The following ZC3H12B variants were observed in gnomAD, a reference collection of about 807,000 sequenced individuals.
ZC3H12B encodes the protein zinc finger CCCH-type containing 12B.
Under a neutral mutation model 43.9 loss-of-function variants are expected in ZC3H12B, and 7 were observed. The observed-to-expected ratio is 0.16, with a 90% CI of 0.09 to 0.30. The LOEUF (loss-of-function observed/expected upper bound fraction) is 0.30. ZC3H12B is among the 10% of genes least tolerant of loss of function. The probability of loss-of-function intolerance (pLI) is 1.00; values close to 1 mark genes in which losing one functional copy is unlikely to be tolerated. For missense variants in ZC3H12B, 475 were observed against 670.2 expected (o/e 0.71, Z 3.22); for synonymous variants, 222 against 241.7 (o/e 0.92, Z 0.76).
chrX:65,212,224 T>A, the ZC3H12B span, among the ~76,000 whole-genome samples: 10 of 48,505 alleles, frequency 2.1e-4, no homozygotes, highest in East Asian at 8.7e-4. Flanking sequence ...TATTATATAT[T>A]ATATTATATA....
intron 3 of ZC3H12B, among the ~76,000 whole-genome samples, chrX:65,445,239 A>C (rs1260542653): frequency 8.9e-6 from 1 of 112,139 alleles, no homozygotes; most frequent in Admixed American, 9.5e-5. Context: ...TGGTGAAGTC[A>C]TGTTTCCTGG....
chrX:65,373,909 T>TA (rs1412172865), intron 2 of ZC3H12B, among the ~76,000 whole-genome samples: 21 of 977 alleles, frequency 0.021, 1 homozygote, highest in South Asian at 0.1. Context: ...ATATATATAG[T>TA]TATATATATA....
the ZC3H12B span, among the ~76,000 whole-genome samples, chrX:65,194,313 G>A: frequency 9.3e-6 from 1 of 107,639 alleles, no homozygotes; most frequent in Non-Finnish European, 1.9e-5. Flanking sequence ...GTTAATGGGT[G>A]CAGCACTCCA....
chrX:65,498,999 A>G, exon 3 of ZC3H12B: 1 of 1,191,159 alleles, frequency 8.4e-7, no homozygotes, highest in South Asian at 1.8e-5. Flanking sequence ...ATTTTGACAG[A>G]TCAAGATATT....
At chrX:65,146,533 C>G in the ZC3H12B span, among the ~76,000 whole-genome samples, 11 of 111,380 alleles carry the variant, frequency 9.9e-5, no homozygotes, top group Non-Finnish European at 2.1e-4. Context: ...TGTTAAAGAA[C>G]CTCCTTTTGT....
At chrX:65,212,512 A>C in the ZC3H12B span, among the ~76,000 whole-genome samples, 41 of 71,635 alleles carry the variant, frequency 5.7e-4, no homozygotes, top group African/African-American at 2.3e-3. Flanking sequence ...TATTATATAC[A>C]ATATTTTTAT....
chrX:65,161,615 G>A, the ZC3H12B span, among the ~76,000 whole-genome samples: 3 of 111,381 alleles, frequency 2.7e-5, no homozygotes, highest in Non-Finnish European at 3.8e-5. Context: ...CATTTGCTTG[G>A]TAGCTCTTCC....
At chrX:65,097,780 T>C in the ZC3H12B span, among the ~76,000 whole-genome samples, 3 of 111,964 alleles carry the variant, frequency 2.7e-5, no homozygotes. Flanking sequence ...AGCCCATTAC[T>C]TATATGGGAC....
chrX:65,316,799 A>G, the ZC3H12B span, among the ~76,000 whole-genome samples: 1 of 111,762 alleles, frequency 8.9e-6, no homozygotes, highest in Non-Finnish European at 1.9e-5. Flanking sequence ...TATATCAATA[A>G]TAACTTTGAA....
the ZC3H12B span, among the ~76,000 whole-genome samples, chrX:65,113,309 A>G: frequency 1.1e-4 from 12 of 111,973 alleles, no homozygotes; most frequent in Non-Finnish European, 2.1e-4. Context: ...TGAAATGACA[A>G]CAAAAGATTT....
chrX:65,312,741 T>C, the ZC3H12B span, among the ~76,000 whole-genome samples: 1 of 112,066 alleles, frequency 8.9e-6, no homozygotes, highest in Non-Finnish European at 1.9e-5. Context: ...CTTCATTCTG[T>C]GTCCTCACCT....
At chrX:65,475,767 G>A (rs1447699883) in intron 3 of ZC3H12B, among the ~76,000 whole-genome samples, 1 of 111,980 alleles carries the variant, frequency 8.9e-6, no homozygotes, top group Non-Finnish European at 1.9e-5. Context: ...AAGAGGGTAT[G>A]TGCAGGGGAA....
chrX:65,139,500 T>A, the ZC3H12B span, among the ~76,000 whole-genome samples: 1 of 112,067 alleles, frequency 8.9e-6, no homozygotes, highest in Non-Finnish European at 1.9e-5. Flanking sequence ...TGTGGTATAT[T>A]TTGAAGTCAG....
chrX:65,259,966 C>T, the ZC3H12B span, among the ~76,000 whole-genome samples: 1 of 111,488 alleles, frequency 9.0e-6, no homozygotes, highest in African/African-American at 3.3e-5. Flanking sequence ...TGAAATAACT[C>T]GGGAATGGAA....
chrX:65,360,264 G>A, the ZC3H12B span, among the ~76,000 whole-genome samples: 159 of 112,315 alleles, frequency 1.4e-3, no homozygotes, highest in Non-Finnish European at 2.6e-3. Flanking sequence ...GTCTGGAACT[G>A]AATATGCAAT....
chrX:65,154,833 A>G, the ZC3H12B span, among the ~76,000 whole-genome samples: 1 of 112,018 alleles, frequency 8.9e-6, no homozygotes, highest in Non-Finnish European at 1.9e-5. Flanking sequence ...ACAGAGCAAG[A>G]CCCTGTCTAA....
chrX:65,314,866 A>G, the ZC3H12B span, among the ~76,000 whole-genome samples: 3 of 111,032 alleles, frequency 2.7e-5, no homozygotes, highest in Non-Finnish European at 5.7e-5. Flanking sequence ...ATAAAAGAGA[A>G]TAAAGGAAAC....
At chrX:65,379,689 A>G (rs769761253) in intron 2 of ZC3H12B, among the ~76,000 whole-genome samples, 20 of 112,086 alleles carry the variant, frequency 1.8e-4, no homozygotes, top group Non-Finnish European at 3.6e-4. Context: ...AACCAAACGC[A>G]AAGAAGTTGA....
rs148759996 is a variant in ZC3H12B at position 65,431,526 on chromosome X, C to T, written n.407+32822C>T. Among the ~76,000 whole-genome samples, 378 of 112,161 alleles carry T rather than the reference C, an allele frequency of 3.4e-3. 3 individuals are homozygous for T. The highest frequency in any genetic ancestry group is 0.012 in the African/African-American group (360 of 30,943). ...CCAACACCAACTTTGTTTATGAGCC[C>T]AATGGGCAATTATAGGGGTGGCTGG... On this transcript the variant is annotated intron_variant and non_coding_transcript_variant, in intron 3 of 5. Transcript: ENST00000617377.
Sources: allele counts gnomAD v4.1 joint callset (sites outside exome capture counted in the v4.1 genomes callset), GRCh38; gene constraint gnomAD v4.1.1; transcripts MANE v1.5; gene names NCBI Gene and HGNC (gene_info 2026-07-23, HGNC 2026-07-21).